MEI1: variants seen among roughly 807,000 people sequenced by gnomAD.
MEI1 encodes the protein meiotic double-stranded break formation protein 1.
In MEI1, 103 loss-of-function variants were observed where a neutral mutation model predicts 146.2. That is an observed-to-expected ratio of 0.70 (90% CI 0.60 to 0.83). MEI1 has a LOEUF of 0.83. MEI1 is among the 40% of genes least tolerant of loss of function. The pLI is 0.00. For synonymous variants in MEI1, 652 were observed against 628.2 expected, an observed-to-expected ratio of 1.04 and a Z score of -0.57; for missense variants, 1,529 against 1,533.0, an observed-to-expected ratio of 1.00 and a Z score of 0.04.
At chr22:41,763,420 G>A (rs2074636040) in intron 19 of MEI1, 99 bp downstream of exon 19, 1 of 1,368,906 alleles carries the variant, frequency 7.3e-7, no homozygotes, top group Admixed American at 2.0e-5. Context: ...ACAAGCGGGT[G>A]GTAGAGAGAG....
At chr22:41,767,519 G>A (rs1164463665) in intron 19 of MEI1, 2 of 454,038 alleles carry the variant, frequency 4.4e-6, no homozygotes, top group East Asian at 7.0e-5. Flanking sequence ...GTCTCTGTGG[G>A]GATGGATATT....
intron 20 of MEI1, among the ~76,000 whole-genome samples, chr22:41,773,256 C>A (rs1458444799): frequency 6.6e-6 from 1 of 152,126 alleles, no homozygotes; most frequent in Admixed American, 6.5e-5. Context: ...AAAGGAGCTG[C>A]CTTCAAGATG....
intron 17 of MEI1, 74 bp from the exon 18 acceptor site, chr22:41,758,291 G>C: frequency 1.4e-6 from 2 of 1,403,612 alleles, no homozygotes; most frequent in Non-Finnish European, 2.0e-6. Flanking sequence ...TCTGCATGTA[G>C]TAGGTACTAA....
chr22:41,785,891 T>A (rs1395567981), intron 26 of MEI1, among the ~76,000 whole-genome samples: 5 of 134,640 alleles, frequency 3.7e-5, no homozygotes, highest in African/African-American at 1.3e-4. Context: ...TTTTTTATTT[T>A]TTTATTTTTT....
intron 1 of MEI1, among the ~76,000 whole-genome samples, chr22:41,701,820 G>T (rs1369297025): frequency 6.6e-6 from 1 of 152,190 alleles, no homozygotes; most frequent in Non-Finnish European, 1.5e-5. Flanking sequence ...GTGAGATTTG[G>T]ACCAGAGGAA....
At chr22:41,727,057 T>C (rs2071419004) in intron 7 of MEI1, among the ~76,000 whole-genome samples, 1 of 152,134 alleles carries the variant, frequency 6.6e-6, no homozygotes, top group Admixed American at 6.6e-5. Context: ...CTTTATATAC[T>C]ATCAGAAAAT....
chr22:41,759,079 G>C (rs1341822720), intron 18 of MEI1, among the ~76,000 whole-genome samples: 2 of 152,170 alleles, frequency 1.3e-5, no homozygotes, highest in Non-Finnish European at 2.9e-5. Flanking sequence ...GGAGACAGAG[G>C]TTGCAGTGAG....
At chr22:41,727,351 T>C (rs969982404) in intron 7 of MEI1, among the ~76,000 whole-genome samples, 1 of 152,240 alleles carries the variant, frequency 6.6e-6, no homozygotes, top group Non-Finnish European at 1.5e-5. Context: ...AACGCTTTTC[T>C]TGATTTCTGA....
At chr22:41,713,653 A>G (rs1367333377) in intron 3 of MEI1, among the ~76,000 whole-genome samples, 2 of 152,130 alleles carry the variant, frequency 1.3e-5, no homozygotes, top group African/African-American at 4.8e-5. Context: ...GGTTCAAGCA[A>G]TTCTCCTGCC....
intron 26 of MEI1, among the ~76,000 whole-genome samples, chr22:41,790,272 CAG>C (rs902803966): frequency 1.3e-5 from 2 of 152,066 alleles, no homozygotes; most frequent in African/African-American, 2.4e-5. Context: ...TTAGTAGAGA[CAG>C]GGTTTCGCCA....
intron 13 of MEI1, among the ~76,000 whole-genome samples, 200 bp from the exon 14 acceptor site, chr22:41,745,685 T>C (rs898957802): frequency 6.6e-6 from 1 of 151,242 alleles, no homozygotes; most frequent in Admixed American, 6.6e-5. Context: ...GGGGAGGGGG[T>C]AGGGAGCAAG....
intron 14 of MEI1, 25 bp from the exon 15 acceptor site, chr22:41,748,082 T>C: frequency 6.4e-7 from 1 of 1,551,298 alleles, no homozygotes; most frequent in Non-Finnish European, 8.9e-7. Flanking sequence ...CCGTGGGCTG[T>C]GTTCTCTCTC....
intron 11 of MEI1, among the ~76,000 whole-genome samples, chr22:41,737,517 G>A (rs2072480975): frequency 6.6e-6 from 1 of 151,604 alleles, no homozygotes; most frequent in South Asian, 2.1e-4. Context: ...GGGATTACAG[G>A]CGTGAGCCAC....
chr22:41,726,919 G>A (rs997801569), intron 7 of MEI1, among the ~76,000 whole-genome samples: 2 of 151,568 alleles, frequency 1.3e-5, no homozygotes, highest in Non-Finnish European at 2.9e-5. Context: ...GACTACAGGC[G>A]CCCGCCACCA....
intron 30 of MEI1, among the ~76,000 whole-genome samples, chr22:41,798,917 G>A (rs989138277): frequency 4.6e-5 from 7 of 151,888 alleles, no homozygotes; most frequent in Non-Finnish European, 8.8e-5. Context: ...TGTGGCAGTG[G>A]TCAGAGACCC....
intron 17 of MEI1, among the ~76,000 whole-genome samples, chr22:41,755,981 A>G (rs537202418): frequency 2.0e-5 from 3 of 152,050 alleles, no homozygotes; most frequent in Non-Finnish European, 4.4e-5. Context: ...TGCTGGAAGG[A>G]TTATCTGAAA....
intron 16 of MEI1, among the ~76,000 whole-genome samples, chr22:41,753,340 C>T (rs562851966): frequency 4.6e-5 from 7 of 151,940 alleles, no homozygotes; most frequent in South Asian, 4.2e-4. Context: ...ATTAGCCAGA[C>T]CTGGTGGTAA....
At chr22:41,701,120 G>A (rs1186727572) in intron 1 of MEI1, among the ~76,000 whole-genome samples, 3 of 151,780 alleles carry the variant, frequency 2.0e-5, no homozygotes, top group Admixed American at 2.0e-4. Flanking sequence ...TGTATTTTTA[G>A]TATAGACGGG....
intron 7 of MEI1, 105 bp from the exon 8 acceptor site, chr22:41,729,560 G>A: frequency 1.4e-6 from 1 of 720,834 alleles, no homozygotes; most frequent in Non-Finnish European, 2.5e-6. Context: ...TGTGGGACAG[G>A]AAGGATCGAA....
Sources: gnomAD v4.1 joint callset for allele counts (sites outside exome capture counted in the v4.1 genomes callset) on GRCh38, gnomAD v4.1.1 for gene constraint, MANE v1.5 for transcripts, NCBI Gene and HGNC (gene_info 2026-07-23, HGNC 2026-07-21) for gene names.